The following TGM7 variants were observed in gnomAD, a reference collection of about 807,000 sequenced individuals.
TGM7 encodes protein-glutamine gamma-glutamyltransferase Z.
Under a neutral mutation model 79.5 loss-of-function variants are expected in TGM7, and 74 were observed. The observed-to-expected ratio is 0.93, with a 90% CI of 0.77 to 1.13. The LOEUF is 1.13. Among genes scored for constraint, TGM7 ranks in the 50% most tolerant of loss-of-function variants. The pLI, the probability that TGM7 is intolerant of heterozygous loss-of-function variation, is 0.00. For missense variants in TGM7, 912 were observed against 905.9 expected, an observed-to-expected ratio of 1.01 and a Z score of -0.09; for synonymous variants, 354 against 362.5, an observed-to-expected ratio of 0.98 and a Z score of 0.27.
chr15:43,278,269 G>A (rs548750813), intron 11 of TGM7, among the ~76,000 whole-genome samples: 1 of 152,308 alleles, frequency 6.6e-6, no homozygotes, highest in African/African-American at 2.4e-5. Flanking sequence ...GAGAAAACGA[G>A]GCTTTCGGGA....
Position 43,288,445 on chromosome 15 carries a change from T to A in TGM7, c.559-776A>T, listed in dbSNP as rs185505585. ...AGTGGAAACGTTGCCCAGAGCCAAGTTCCCCCTCTCTACGTTGACTGGATA... is the reference window on the plus strand; with the variant it reads ...AGTGGAAACGTTGCCCAGAGCCAAGATCCCCCTCTCTACGTTGACTGGATA... On this transcript the variant is annotated intron_variant, in intron 4 of 12. Transcript: ENST00000452443. 5.7e-3 allele frequency among the ~76,000 whole-genome samples: 874 copies of A among 152,168 alleles called. 3 individuals carry two copies. Among genetic ancestry groups the A allele is most frequent in the Non-Finnish European group, 9.2e-3 (626 of 68,000 alleles).
intron 4 of TGM7, among the ~76,000 whole-genome samples, chr15:43,288,497 C>CT (rs549174189): frequency 7.4e-5 from 11 of 149,236 alleles, no homozygotes; most frequent in Middle Eastern, 3.5e-3. Flanking sequence ...AATTACTATT[C>CT]TTTTTTTTTT....
chr15:43,287,558 T>A lies in TGM7; in HGVS notation c.670A>T (p.Arg224Trp). 1 of 1,614,062 alleles carries A rather than the reference T, an allele frequency of 6.2e-7. No homozygotes were observed. Among genetic ancestry groups the A allele is most frequent in the East Asian group, 2.2e-5 (1 of 44,882 alleles). The change falls in exon 5 of 13, where the codon AGG becomes TGG. Residue 224 changes from arginine (R) to tryptophan (W), a missense_variant. Transcript: ENST00000452443. ...ATCCTTACCATGGCACTCACCACCC[T>A]GCACACATACACCACGTCGTTCCGC... Reference protein sequence around the residue: ...SQRNDVVYVCRVVSAMINSND... With the variant: ...SQRNDVVYVCWVVSAMINSND...
intron 11 of TGM7, among the ~76,000 whole-genome samples, chr15:43,278,677 C>A (rs1188764656): frequency 6.6e-6 from 1 of 152,168 alleles, no homozygotes; most frequent in Non-Finnish European, 1.5e-5. Flanking sequence ...TGGTCTCGAA[C>A]TCCTGGGTTC....
intron 11 of TGM7, among the ~76,000 whole-genome samples, chr15:43,278,554 T>C (rs2042889145): frequency 6.6e-6 from 1 of 152,196 alleles, no homozygotes; most frequent in Admixed American, 6.5e-5. Context: ...TTGATTTCCC[T>C]GGACTCCCAC....
chr15:43,296,513 A>G (rs764881780), intron 1 of TGM7, among the ~76,000 whole-genome samples: 1 of 151,926 alleles, frequency 6.6e-6, no homozygotes, highest in African/African-American at 2.4e-5. Context: ...AAGGGGCCTA[A>G]AGTTTTCATA....
At chr15:43,288,725 T>G (rs1222734149) in intron 4 of TGM7, among the ~76,000 whole-genome samples, 1 of 152,122 alleles carries the variant, frequency 6.6e-6, no homozygotes, top group Non-Finnish European at 1.5e-5. Flanking sequence ...AGGTCAGAAG[T>G]TCGAGACCAG....
At position 43,292,099 on chromosome 15, in the gene TGM7, T is replaced by C; in HGVS notation, c.440-2A>G. ...CACTTGGCAGGTAGACGTCGTCCTC[T>C]GAGCAGTTAAGAGTAGTGGAGGGGG... On this transcript the variant is annotated splice_acceptor_variant, in intron 3 of 12. Transcript: ENST00000452443. LOFTEE classifies it high-confidence loss of function. The C allele has an allele frequency of 6.2e-7, 1 of 1,612,346 alleles. No homozygotes were observed. The highest frequency in any genetic ancestry group is 2.2e-5 in the East Asian group (1 of 44,866).
Position 43,279,249 on chromosome 15 carries a change from G to A in TGM7, c.1707C>T (p.Tyr569=). Reference sequence around the variant, plus strand: ...CCGTTAGCTTGTTTCTGTAATTGCTGTAGGGCAGGAGGAGCGGCCACTGTG... The same window carrying A: ...CCGTTAGCTTGTTTCTGTAATTGCTATAGGGCAGGAGGAGCGGCCACTGTG... ...KETQWPLLLP[Y]SNYRNKLTDE... Residue 569 remains tyrosine, a synonymous_variant, in exon 11 of 13, where the codon TAC becomes TAT. Coordinates refer to ENST00000452443, the MANE Select transcript of TGM7 (RefSeq NM_052955.3). 3 of 1,614,190 alleles carry A rather than the reference G, an allele frequency of 1.9e-6. No individual in the cohort carries two copies. Among genetic ancestry groups the A allele is most frequent in the Non-Finnish European group, 2.5e-6 (3 of 1,180,024 alleles).
chr15:43,296,424 C>CAAA (rs35879868), intron 1 of TGM7, among the ~76,000 whole-genome samples: 24 of 78,080 alleles, frequency 3.1e-4, no homozygotes, highest in East Asian at 8.0e-4. Context: ...GACTCTGTCT[C>CAAA]AAAAAAAAAA....
At position 43,282,047 on chromosome 15, in the gene TGM7, C is replaced by T. The variant is rs761067229; in HGVS notation, c.1148G>A (p.Arg383Lys). ...ATAGGCCAGGTGGACATCCCCTTCC[C>T]TGATGGCCTTCACAGAGGCAGGGCC... is the stretch of plus-strand genomic sequence containing the variant. ...CCGPASVKAI[R>K]EGDVHLAYDT... Residue 383 changes from arginine to lysine, a missense_variant, in exon 9 of 13, where the codon AGG becomes AAG. Arg to Lys is a conservative substitution (Grantham distance 26, BLOSUM62 2). Coordinates refer to ENST00000452443, the MANE Select transcript of TGM7 (RefSeq NM_052955.3). The T allele has an allele frequency of 1.1e-5, 18 of 1,614,046 alleles. No homozygotes were observed. Among genetic ancestry groups the T allele is most frequent in the Non-Finnish European group, 1.4e-5 (17 of 1,180,026 alleles).
chr15:43,289,476 G>A (rs1200822744), intron 4 of TGM7, among the ~76,000 whole-genome samples: 1 of 152,140 alleles, frequency 6.6e-6, no homozygotes, highest in Non-Finnish European at 1.5e-5. Context: ...TTGGACATGT[G>A]GGTTGGTTCC....
chr15:43,291,538 T>C (rs2042963492), intron 4 of TGM7, among the ~76,000 whole-genome samples: 1 of 152,208 alleles, frequency 6.6e-6, no homozygotes, highest in African/African-American at 2.4e-5. Context: ...TCACAAAATA[T>C]TATTCTTTTA....
In TGM7 at chr15:43,287,677, G is replaced by A. The variant is rs374017781; in HGVS notation, c.559-8C>T. On this transcript the variant is annotated splice_polypyrimidine_tract_variant and splice_region_variant and intron_variant, in intron 4 of 12. Coordinates refer to ENST00000452443, the MANE Select transcript of TGM7 (RefSeq NM_052955.3). The stretch of plus-strand genomic sequence containing the variant: ...TATGATGTCCTCTTCAAACTTCCAA[G>A]TGATTTTAAGGGAGAAAAAAGAGAA... The A allele has an allele frequency of 3.2e-5, 52 of 1,603,680 alleles. No individual in the cohort carries two copies. The highest frequency in any genetic ancestry group is 4.2e-5 in the Non-Finnish European group (50 of 1,177,228).
rs1253547036 is a variant in TGM7 at position 43,280,103 on chromosome 15, T to A, written c.1352-152A>T. ...GGTTCAAATCCTTGCTCTGTCACAGTCCTTTAATCTCTCAGTGTTCTGTTC... is the reference window on the plus strand; with the variant it reads ...GGTTCAAATCCTTGCTCTGTCACAGACCTTTAATCTCTCAGTGTTCTGTTC... On this transcript the variant is annotated intron_variant, in intron 9 of 12. Transcript: ENST00000452443. The A allele has an allele frequency of 1.1e-5, 7 of 652,518 alleles. No individual in the cohort carries two copies. In the East Asian group the frequency reaches 1.6e-4, roughly 15 times the overall value. 40.4% of individuals were successfully genotyped at this position (652,518 alleles called of 1,614,324 possible). A position where few individuals can be genotyped will look rare whatever the true frequency, so the allele number is the denominator to read the frequency against.
intron 9 of TGM7, 43 bp from the exon 10 acceptor site, chr15:43,279,994 GGA>G: frequency 6.3e-7 from 1 of 1,578,140 alleles, no homozygotes; most frequent in Non-Finnish European, 8.6e-7. Context: ...GGGGAGGGGT[GGA>G]GAGGACCAGT....
At chr15:43,300,572 C>T (rs1051451880) in intron 1 of TGM7, among the ~76,000 whole-genome samples, 11 of 152,146 alleles carry the variant, frequency 7.2e-5, no homozygotes, top group Admixed American at 2.6e-4. Flanking sequence ...GAGGCTGAGG[C>T]GGGTGGATCA....
chr15:43,279,779 C>G lies in TGM7; in HGVS notation c.1524G>C (p.Leu508=). 6.2e-7 allele frequency: 1 copy of G among 1,610,854 alleles called. No individual in the cohort carries two copies. Among genetic ancestry groups the G allele is most frequent in the Non-Finnish European group, 8.5e-7 (1 of 1,179,362 alleles). Residue 508 remains leucine (L), a synonymous_variant, in exon 10 of 13, where the codon CTG becomes CTC. Coordinates refer to ENST00000452443, the MANE Select transcript of TGM7 (RefSeq NM_052955.3). ...CTGGCACCCTCTGGATACGCAGCAG[C>G]AGCTGCAGGTCCTGGCCCCACTCGG... ...RIPEWGQDLQ[L]LLRIQRVPDS...
chr15:43,296,192 A>G (rs569092228), intron 1 of TGM7, among the ~76,000 whole-genome samples: 25 of 152,234 alleles, frequency 1.6e-4, no homozygotes, highest in South Asian at 4.1e-4. Context: ...TTGGGAGGCC[A>G]AGGCGGGCAG....
Sources: gnomAD v4.1 joint callset for allele counts (sites outside exome capture counted in the v4.1 genomes callset) on GRCh38, gnomAD v4.1.1 for gene constraint, MANE v1.5 for transcripts, NCBI Gene and HGNC (gene_info 2026-07-23, HGNC 2026-07-21) for gene names.